The following NECAP1 variants were observed in gnomAD, a reference collection of about 807,000 sequenced individuals.
NECAP1 encodes NECAP endocytosis associated 1.
Under a neutral mutation model 33.4 loss-of-function variants are expected in NECAP1, and 13 were observed. That is an observed-to-expected ratio of 0.39 (90% CI 0.25 to 0.62). The LOEUF (loss-of-function observed/expected upper bound fraction) is 0.62. Ranked by LOEUF, NECAP1 falls within the 20% of genes least tolerant of loss-of-function variation. NECAP1 has a pLI of 0.52. For missense variants in NECAP1, 272 were observed against 347.4 expected, an observed-to-expected ratio of 0.78 and a Z score of 1.73; for synonymous variants, 109 against 125.2, an observed-to-expected ratio of 0.87 and a Z score of 0.86.
chr12:8,091,595 G>A, intron 3 of NECAP1, 174 bp from the exon 4 acceptor site: 1 of 607,552 alleles, frequency 1.6e-6, no homozygotes, highest in Non-Finnish European at 3.0e-6. Flanking sequence ...GAGCTCAGGT[G>A]GTCATGCAAG....
intron 4 of NECAP1, chr12:8,092,057 A>G (rs570892820): frequency 2.4e-4 from 133 of 558,490 alleles, no homozygotes; most frequent in Non-Finnish European, 4.0e-4. Flanking sequence ...AATATATTTC[A>G]GATCCCTTGT....
chr12:8,092,989 G>A lies in NECAP1; in HGVS notation c.610G>A (p.Val204Ile). 6.2e-7 allele frequency: 1 copy of A among 1,613,906 alleles called. No homozygotes were observed. The highest frequency in any genetic ancestry group is 8.5e-7 in the Non-Finnish European group (1 of 1,179,924). Residue 204 changes from valine to isoleucine, a missense_variant, in exon 6 of 8, where the codon GTT becomes ATT. Transcript: ENST00000339754. ...CACTATTCCCCCACCATCCTCCTCA[G>A]TTGCCATCAGCAATCATGTCACCCC... ...KVTIPPPSSS[V>I]AISNHVTPPP...
intron 6 of NECAP1, chr12:8,093,451 G>A: frequency 5.3e-6 from 1 of 190,144 alleles, no homozygotes; most frequent in South Asian, 8.9e-5. Flanking sequence ...ACCCCAGCGG[G>A]GACCTTGGCT....
rs1264788037 is a variant in NECAP1, at chr12:8,087,526, T to A, written c.96-2410T>A. ...CATTTAATAGACTTGTTCCTAATTT[T>A]TTTTTTTTTTTTTTAGAGACAGGGT... On this transcript the variant is annotated intron_variant, in intron 1 of 7. Coordinates refer to ENST00000339754, the MANE Select transcript of NECAP1 (RefSeq NM_015509.4). Among the ~76,000 whole-genome samples the A allele has an allele frequency of 2.0e-5, 3 of 150,636 alleles. No individual in the cohort carries two copies. In the East Asian group the frequency reaches 5.8e-4, roughly 29 times the overall value.
At chr12:8,082,835 C>T (rs1037423038) in intron 1 of NECAP1, 1 of 156,412 alleles carries the variant, frequency 6.4e-6, no homozygotes, top group African/African-American at 2.4e-5. Context: ...GTTCCCCATG[C>T]ACATTTATGG....
chr12:8,092,019 TA>T (rs1443926610), intron 4 of NECAP1, 169 bp downstream of exon 4: 1 of 621,936 alleles, frequency 1.6e-6, no homozygotes, highest in Non-Finnish European at 2.8e-6. Flanking sequence ...TCTTTGTATC[TA>T]TTCTGTTTCC....
At chr12:8,088,455 A>G (rs137860137) in intron 1 of NECAP1, among the ~76,000 whole-genome samples, 86 of 152,242 alleles carry the variant, frequency 5.6e-4, no homozygotes, top group Admixed American at 1.1e-3. Flanking sequence ...TCTATCCCAT[A>G]TCTAATCCAT....
At chr12:8,088,243 CT>C (rs1371402337) in intron 1 of NECAP1, among the ~76,000 whole-genome samples, 3 of 152,168 alleles carry the variant, frequency 2.0e-5, no homozygotes, top group Non-Finnish European at 4.4e-5. Flanking sequence ...TACTCTACAT[CT>C]CTTGAAAATC....
chr12:8,093,314 C>G (rs1225120323), intron 6 of NECAP1: 1 of 443,428 alleles, frequency 2.3e-6, no homozygotes, highest in Admixed American at 4.1e-5. Flanking sequence ...TGCTTATAAG[C>G]TTTTGAGTCA....
At chr12:8,087,586 C>T (rs1232061566) in intron 1 of NECAP1, among the ~76,000 whole-genome samples, 1 of 148,688 alleles carries the variant, frequency 6.7e-6, no homozygotes, top group African/African-American at 2.5e-5. Context: ...TGCAGTGGGG[C>T]GATCATAGCT....
chr12:8,083,959 C>G (rs1184492438), intron 1 of NECAP1, among the ~76,000 whole-genome samples: 1 of 151,974 alleles, frequency 6.6e-6, no homozygotes, highest in Non-Finnish European at 1.5e-5. Context: ...CCAGGCTGGT[C>G]TCGAACTCCT....
chr12:8,082,488 T>G (rs1476600767), intron 1 of NECAP1, 105 bp downstream of exon 1: 1 of 1,032,004 alleles, frequency 9.7e-7, no homozygotes, highest in East Asian at 2.7e-5. Context: ...CTCTGTATTG[T>G]CACCTTGCTA....
chr12:8,083,380 A>G (rs1947459550), intron 1 of NECAP1, among the ~76,000 whole-genome samples: 1 of 149,592 alleles, frequency 6.7e-6, no homozygotes. Context: ...GAAAGAATGT[A>G]GGAAATGCAA....
In NECAP1 at chr12:8,096,289, TGTTATC is replaced by T. The variant is rs1947593632; in HGVS notation, c.*200_*205del. On this transcript the variant is annotated 3_prime_UTR_variant, in exon 8 of 8. Coordinates refer to ENST00000339754, the MANE Select transcript of NECAP1 (RefSeq NM_015509.4). ...TTACTTGTACAGCCAAGAAAGTATC[TGTTATC>T]TCCTGCGTAGTACCAAGGTAGGGGA... The T allele has an allele frequency of 7.0e-6, 4 of 575,134 alleles. No homozygotes were observed. The highest frequency in any genetic ancestry group is 1.2e-5 in the Non-Finnish European group (4 of 325,514). The allele number at this position is 575,134 out of a possible 1,614,324, so 35.6% of individuals were successfully genotyped here.
intron 1 of NECAP1, among the ~76,000 whole-genome samples, chr12:8,083,368 G>A (rs1388289071): frequency 6.7e-6 from 1 of 148,530 alleles, no homozygotes; most frequent in Non-Finnish European, 1.5e-5. Flanking sequence ...TATAATGGAT[G>A]TGAAAGAATG....
Position 8,090,883 on chromosome 12 carries a change from C to T in NECAP1, c.301+584C>T, listed in dbSNP as rs147086913. 13 of 153,698 alleles carry T rather than the reference C, an allele frequency of 8.5e-5. 1 individual carries two copies. The East Asian group carries it at 1.5e-3, about 18-fold the overall frequency. 9.5% of individuals were successfully genotyped at this position (153,698 alleles called of 1,614,324 possible). A position where few individuals can be genotyped will look rare whatever the true frequency, so the allele number is the denominator to read the frequency against. On this transcript the variant is annotated intron_variant, in intron 3 of 7. Coordinates refer to ENST00000339754, the MANE Select transcript of NECAP1 (RefSeq NM_015509.4). ...GGTGGGACTATCTTGAATCATCTTA[C>T]GTGTGGGGCAGTCATTCTTACTCTT...
chr12:8,091,964 A>C (rs188201562), intron 4 of NECAP1, 114 bp downstream of exon 4: 2 of 893,588 alleles, frequency 2.2e-6, no homozygotes, highest in East Asian at 5.3e-5. Flanking sequence ...AAACTATTTC[A>C]TTGTGAATAT....
chr12:8,095,647 A>G lies in NECAP1; in HGVS notation c.723A>G (p.Ala241=), dbSNP rs1311591214. The G allele has an allele frequency of 3.1e-6, 5 of 1,613,984 alleles. No individual in the cohort carries two copies. In the African/African-American group the frequency reaches 6.7e-5, roughly 22 times the overall value. ...CTCCTGCTCCTGTCACGACACCAGC[A>G]CCAACTCCAGTTTCTGTAAGCAATG... The part of the protein sequence containing the change: ...LDSPAPVTTP[A]PTPVSVSNDL... Residue 241 remains alanine (A), a synonymous_variant, in exon 7 of 8, where the codon GCA becomes GCG. Coordinates refer to ENST00000339754, the MANE Select transcript of NECAP1 (RefSeq NM_015509.4).
chr12:8,092,594 A>G, intron 4 of NECAP1, 82 bp from the exon 5 acceptor site: 1 of 986,616 alleles, frequency 1.0e-6, no homozygotes, highest in African/African-American at 1.6e-5. Flanking sequence ...CTCATTTCAT[A>G]AAAGTAAATA....
Sources: gnomAD v4.1 joint callset for allele counts (sites outside exome capture counted in the v4.1 genomes callset) on GRCh38, gnomAD v4.1.1 for gene constraint, MANE v1.5 for transcripts, NCBI Gene and HGNC (gene_info 2026-07-23, HGNC 2026-07-21) for gene names.